Variants in KHDC1 observed in about 807,000 individuals in gnomAD.
The protein encoded by KHDC1 is KH homology domain-containing protein 1.
KHDC1 carries 21 observed loss-of-function variants against 24.7 expected under a neutral mutation model. The observed-to-expected ratio is 0.85, with a 90% CI of 0.60 to 1.23. KHDC1 has a LOEUF of 1.23. KHDC1 is among the 50% of genes most tolerant of loss of function. KHDC1 has a pLI of 0.00. For synonymous variants in KHDC1, 98 were observed against 111.7 expected, an observed-to-expected ratio of 0.88 and a Z score of 0.77; for missense variants, 274 against 298.5, an observed-to-expected ratio of 0.92 and a Z score of 0.61.
chr6:73,286,771 T>A (rs1377845275), intron 2 of KHDC1, among the ~76,000 whole-genome samples: 2 of 151,846 alleles, frequency 1.3e-5, no homozygotes, highest in Non-Finnish European at 2.9e-5. Context: ...TAATCTCAGT[T>A]ACTCGGGAGG....
At chr6:73,265,242 A>G (rs1190633979) in intron 2 of KHDC1, among the ~76,000 whole-genome samples, 1 of 152,218 alleles carries the variant, frequency 6.6e-6, no homozygotes, top group Admixed American at 6.5e-5. Flanking sequence ...TATAATGTTG[A>G]GAGAAGAATG....
At chr6:73,283,423 T>C (rs1490635042) in intron 2 of KHDC1, among the ~76,000 whole-genome samples, 3 of 151,990 alleles carry the variant, frequency 2.0e-5, no homozygotes, top group East Asian at 1.9e-4. Context: ...TTTCCTTAGG[T>C]GTTTTGTTAT....
At chr6:73,290,895 G>C in intron 2 of KHDC1, 1 of 362,318 alleles carries the variant, frequency 2.8e-6, no homozygotes, top group Non-Finnish European at 5.4e-6. Flanking sequence ...GTCATCCCAT[G>C]CAACAACAAG....
At chr6:73,310,254 C>G (rs1273978748), upstream of KHDC1, 5 of 157,494 alleles carry the variant, frequency 3.2e-5, no homozygotes, top group African/African-American at 1.2e-4. Flanking sequence ...TGCTGTCCCG[C>G]CCACGGACTC....
exon 1 of KHDC1, chr6:73,309,792 C>T: frequency 6.7e-7 from 1 of 1,494,160 alleles, no homozygotes; most frequent in Non-Finnish European, 8.9e-7. Flanking sequence ...GCAGAGCCCG[C>T]CGGCGGGAAG....
intron 2 of KHDC1, among the ~76,000 whole-genome samples, chr6:73,288,785 A>G (rs2150712593): frequency 7.7e-6 from 1 of 130,152 alleles, no homozygotes; most frequent in South Asian, 2.7e-4. Flanking sequence ...ACAACATAGT[A>G]TAGTAAGACC....
At chr6:73,309,678 A>C (rs1344630209) in exon 1 of KHDC1, 6 of 1,549,996 alleles carry the variant, frequency 3.9e-6, no homozygotes, top group Non-Finnish European at 4.4e-6. Flanking sequence ...TCAATCACAA[A>C]TAAGACTCGG....
chr6:73,268,828 A>G, intron 2 of KHDC1: 1 of 153,316 alleles, frequency 6.5e-6, no homozygotes, highest in Non-Finnish European at 1.5e-5. Flanking sequence ...ATCCTGCACC[A>G]GGGCTGCAGG....
At chr6:73,279,760 C>T (rs1301868200) in intron 2 of KHDC1, among the ~76,000 whole-genome samples, 1 of 151,850 alleles carries the variant, frequency 6.6e-6, no homozygotes, top group East Asian at 1.9e-4. Context: ...TTATATTTTT[C>T]GTAGAGACAG....
intron 1 of KHDC1, chr6:73,299,543 G>T (rs1210413289): frequency 6.6e-6 from 1 of 152,476 alleles, no homozygotes; most frequent in Non-Finnish European, 1.5e-5. Context: ...TGGCGTCAAG[G>T]AGCCGCCCCT....
chr6:73,260,721 C>A (rs1331015007), intron 2 of KHDC1, among the ~76,000 whole-genome samples: 2 of 152,200 alleles, frequency 1.3e-5, no homozygotes, highest in African/African-American at 4.8e-5. Flanking sequence ...CACTTTTCCA[C>A]AAAATTGATA....
At chr6:73,246,258 AAGG>A (rs1219752427) in intron 2 of KHDC1, among the ~76,000 whole-genome samples, 1 of 152,188 alleles carries the variant, frequency 6.6e-6, no homozygotes, top group Non-Finnish European at 1.5e-5. Flanking sequence ...TCACTGAATG[AAGG>A]AGAACTATTC....
At chr6:73,295,412 C>T (rs991548762) in intron 1 of KHDC1, among the ~76,000 whole-genome samples, 3 of 152,132 alleles carry the variant, frequency 2.0e-5, no homozygotes, top group African/African-American at 7.2e-5. Context: ...GCACTAATAA[C>T]GAATCTAGGT....
At chr6:73,291,920 A>T (rs1767657684) in intron 2 of KHDC1, 1 of 1,504,628 alleles carries the variant, frequency 6.6e-7, no homozygotes, top group Non-Finnish European at 9.1e-7. Flanking sequence ...ATCTATTTTT[A>T]AAAATTTAAT....
chr6:73,288,125 G>A (rs1264261334), intron 2 of KHDC1, among the ~76,000 whole-genome samples: 1 of 152,210 alleles, frequency 6.6e-6, no homozygotes, highest in Non-Finnish European at 1.5e-5. Context: ...CACCACTCTG[G>A]TGCCTACAAA....
intron 2 of KHDC1, among the ~76,000 whole-genome samples, 189 bp downstream of exon 1, chr6:73,262,576 TCTTTCTATA>T (rs143141228): frequency 0.046 from 6,985 of 152,292 alleles, 517 homozygotes; most frequent in African/African-American, 0.16. Context: ...GTGTTTCTTT[TCTTTCTATA>T]AGTTTAAAAT....
intron 2 of KHDC1, among the ~76,000 whole-genome samples, chr6:73,271,631 C>A (rs150337759): frequency 0.056 from 8,429 of 151,648 alleles, 273 homozygotes; most frequent in African/African-American, 0.09. Flanking sequence ...CAGTGGCTCA[C>A]ACCTGTAATC....
chr6:73,254,973 G>C (rs1010022502), intron 2 of KHDC1, among the ~76,000 whole-genome samples: 3 of 151,380 alleles, frequency 2.0e-5, no homozygotes, highest in African/African-American at 7.3e-5. Context: ...TTGCACTCCA[G>C]CTTGAGGAAC....
chr6:73,247,183 G>A (rs755827933), intron 2 of KHDC1, among the ~76,000 whole-genome samples: 20 of 151,692 alleles, frequency 1.3e-4, no homozygotes, highest in Admixed American at 1.1e-3. Context: ...TCACCATGTC[G>A]GCCAGGCTGG....
Sources: gnomAD v4.1 joint callset for allele counts (sites outside exome capture counted in the v4.1 genomes callset) on GRCh38, gnomAD v4.1.1 for gene constraint, MANE v1.5 for transcripts, NCBI Gene and HGNC (gene_info 2026-07-23, HGNC 2026-07-21) for gene names.